Variants in PLEKHD1 observed in about 807,000 individuals in gnomAD.
PLEKHD1 encodes pleckstrin homology domain-containing family D member 1.
A neutral mutation model predicts 69.2 loss-of-function variants in PLEKHD1; 51 were observed. The observed-to-expected ratio is 0.74, with a 90% CI of 0.59 to 0.93. The LOEUF (loss-of-function observed/expected upper bound fraction) is 0.93. PLEKHD1 is among the 40% of genes least tolerant of loss of function. The probability of loss-of-function intolerance (pLI) is 0.00; values close to 1 mark genes in which losing one functional copy is unlikely to be tolerated. For synonymous variants in PLEKHD1, 236 were observed against 244.7 expected, an observed-to-expected ratio of 0.96 and a Z score of 0.33; for missense variants, 584 against 641.0, an observed-to-expected ratio of 0.91 and a Z score of 0.96.
At chr14:69,498,873 C>G (rs1394908377) in intron 1 of PLEKHD1, among the ~76,000 whole-genome samples, 1 of 152,010 alleles carries the variant, frequency 6.6e-6, no homozygotes, top group African/African-American at 2.4e-5. Flanking sequence ...GTCTCGATCT[C>G]CCGACCTCAA....
chr14:69,480,159 C>T (rs532042367), upstream of PLEKHD1, among the ~76,000 whole-genome samples: 2 of 152,354 alleles, frequency 1.3e-5, no homozygotes, highest in East Asian at 3.9e-4. Flanking sequence ...GGTATGGTTT[C>T]AGCTGAAATC....
chr14:69,528,275 C>A lies in PLEKHD1; in HGVS notation c.1377C>A (p.Thr459=), dbSNP rs1181584864. The part of the protein sequence containing the change: ...NDMKPSQSFM[T]SQLDANNMEE... ...TGAAGCCGTCCCAGTCCTTCATGACCTCCCAGCTGGATGCCAACAACATGG... is the reference window on the plus strand; with the variant it reads ...TGAAGCCGTCCCAGTCCTTCATGACATCCCAGCTGGATGCCAACAACATGG... Residue 459 remains threonine (T), a synonymous_variant, in exon 13 of 13, where the codon ACC becomes ACA. Transcript: ENST00000322564. 6.4e-7 allele frequency: 1 copy of A among 1,551,622 alleles called. No homozygotes were observed. The highest frequency in any genetic ancestry group is 1.4e-5 in the African/African-American group (1 of 73,058).
intron 1 of PLEKHD1, among the ~76,000 whole-genome samples, chr14:69,498,228 G>A (rs545414285): frequency 8.6e-5 from 13 of 151,742 alleles, no homozygotes; most frequent in Non-Finnish European, 1.9e-4. Flanking sequence ...ACAGGCCTGA[G>A]CCACCACACC....
intron 10 of PLEKHD1, 98 bp downstream of exon 10, chr14:69,526,927 T>C: frequency 7.0e-7 from 1 of 1,424,810 alleles, no homozygotes; most frequent in Non-Finnish European, 9.2e-7. Flanking sequence ...ATTATCTCTG[T>C]CAGTCTGACC....
chr14:69,491,058 A>G (rs1048427318), intron 1 of PLEKHD1, among the ~76,000 whole-genome samples: 13 of 152,200 alleles, frequency 8.5e-5, no homozygotes, highest in African/African-American at 2.7e-4. Context: ...ACCAAATCCC[A>G]TATCTAAAGG....
intron 1 of PLEKHD1, among the ~76,000 whole-genome samples, chr14:69,499,466 C>T (rs1039064885): frequency 6.6e-6 from 1 of 152,144 alleles, no homozygotes; most frequent in African/African-American, 2.4e-5. Flanking sequence ...TGGGAGAGCC[C>T]CTGGGGCAGG....
intron 6 of PLEKHD1, among the ~76,000 whole-genome samples, chr14:69,510,440 G>A (rs904501824): frequency 2.0e-5 from 3 of 151,486 alleles, no homozygotes; most frequent in Non-Finnish European, 2.9e-5. Flanking sequence ...CATTTTGGAG[G>A]GTGCTAATGT....
chr14:69,511,045 T>C (rs551703435), intron 6 of PLEKHD1, among the ~76,000 whole-genome samples: 1 of 152,362 alleles, frequency 6.6e-6, no homozygotes, highest in Admixed American at 6.5e-5. Flanking sequence ...TGGATTATAT[T>C]AATTGATTTT....
At chr14:69,520,642 T>G (rs554441504) in intron 6 of PLEKHD1, among the ~76,000 whole-genome samples, 178 of 152,220 alleles carry the variant, frequency 1.2e-3, no homozygotes, top group African/African-American at 4.1e-3. Flanking sequence ...AGCAGGAGAA[T>G]TGATTGAATC....
chr14:69,524,462 C>A, intron 8 of PLEKHD1, 140 bp downstream of exon 8: 2 of 719,248 alleles, frequency 2.8e-6, no homozygotes, highest in South Asian at 1.8e-5. Flanking sequence ...TCTAAAGGGT[C>A]TCTTCTCTAT....
chr14:69,489,596 A>AGTGAATC (rs1882730774), intron 1 of PLEKHD1, among the ~76,000 whole-genome samples: 1 of 151,266 alleles, frequency 6.6e-6, no homozygotes, highest in Non-Finnish European at 1.5e-5. Flanking sequence ...AAAAAAAGAA[A>AGTGAATC]GTGAATCTAA....
intron 1 of PLEKHD1, among the ~76,000 whole-genome samples, chr14:69,497,703 G>A (rs1882917469): frequency 6.6e-6 from 1 of 152,246 alleles, no homozygotes; most frequent in South Asian, 2.1e-4. Context: ...AAGCTGAGAG[G>A]TGGGAAGAGG....
intron 1 of PLEKHD1, among the ~76,000 whole-genome samples, chr14:69,487,182 AAC>A (rs199671230): frequency 0.027 from 3,840 of 140,282 alleles, 49 homozygotes; most frequent in Middle Eastern, 0.061. Flanking sequence ...GGGAATACAC[AAC>A]ACACACACAC....
chr14:69,524,534 C>T (rs1353898127), intron 8 of PLEKHD1, among the ~76,000 whole-genome samples: 1 of 152,148 alleles, frequency 6.6e-6, no homozygotes, highest in African/African-American at 2.4e-5. Flanking sequence ...GTTCTCAGAC[C>T]TAAAAGGACA....
chr14:69,521,446 C>A (rs185133046), intron 6 of PLEKHD1, among the ~76,000 whole-genome samples: 1 of 152,212 alleles, frequency 6.6e-6, no homozygotes, highest in East Asian at 1.9e-4. Flanking sequence ...GGGAACAAAG[C>A]CCCCAGGTGA....
chr14:69,494,466 C>T (rs1056006707), intron 1 of PLEKHD1, among the ~76,000 whole-genome samples: 1 of 152,144 alleles, frequency 6.6e-6, no homozygotes, highest in African/African-American at 2.4e-5. Flanking sequence ...CCAGTTCCAC[C>T]TCTGCCCTAG....
intron 6 of PLEKHD1, among the ~76,000 whole-genome samples, chr14:69,515,666 T>C (rs1883369210): frequency 6.6e-6 from 1 of 152,272 alleles, no homozygotes; most frequent in African/African-American, 2.4e-5. Context: ...AGCAGACATG[T>C]CACATGACCA....
At chr14:69,510,158 A>G (rs80002147) in intron 6 of PLEKHD1, among the ~76,000 whole-genome samples, 20 of 152,274 alleles carry the variant, frequency 1.3e-4, no homozygotes, top group African/African-American at 4.8e-4. Flanking sequence ...TTCTCCTTCA[A>G]TATTGAGTTG....
intron 1 of PLEKHD1, among the ~76,000 whole-genome samples, chr14:69,485,650 T>C (rs948526123): frequency 3.9e-5 from 6 of 152,134 alleles, no homozygotes; most frequent in Non-Finnish European, 7.4e-5. Context: ...TGCTTGTCCA[T>C]GGGGAAGTGA....
Sources: gnomAD v4.1 joint callset for allele counts (sites outside exome capture counted in the v4.1 genomes callset) on GRCh38, gnomAD v4.1.1 for gene constraint, MANE v1.5 for transcripts, NCBI Gene and HGNC (gene_info 2026-07-23, HGNC 2026-07-21) for gene names.